The following SCAPER variants were observed in gnomAD, a reference collection of about 807,000 sequenced individuals.
The protein encoded by SCAPER is S-phase cyclin A associated protein in the ER, also known as S phase cyclin A-associated protein in the endoplasmic reticulum.
Under a neutral mutation model 182.2 loss-of-function variants are expected in SCAPER, and 98 were observed. That is an observed-to-expected ratio of 0.54 (90% CI 0.46 to 0.64). The LOEUF (loss-of-function observed/expected upper bound fraction) is 0.64, where lower values mean the gene tolerates loss of function less well. Among genes scored for constraint, SCAPER ranks in the 30% least tolerant of loss-of-function variants. SCAPER has a pLI of 0.00. For synonymous variants in SCAPER, 605 were observed against 564.6 expected, an observed-to-expected ratio of 1.07 and a Z score of -1.01; for missense variants, 1,432 against 1,690.0, an observed-to-expected ratio of 0.85 and a Z score of 2.68.
At chr15:76,897,591 C>CA (rs1395334129) in intron 1 of SCAPER, among the ~76,000 whole-genome samples, 1 of 152,044 alleles carries the variant, frequency 6.6e-6, no homozygotes, top group Non-Finnish European at 1.5e-5. Context: ...CCTGAAGTCC[C>CA]AGGTACTCAG....
At chr15:76,883,967 AC>A in intron 1 of SCAPER, 91 bp from the exon 2 acceptor site, 1 of 627,150 alleles carries the variant, frequency 1.6e-6, no homozygotes, top group Non-Finnish European at 2.6e-6. Flanking sequence ...CCCCACACTT[AC>A]ATTAAACAAC....
At chr15:76,797,242 A>G (rs1357958698) in intron 7 of SCAPER, 2 of 152,222 alleles carry the variant, frequency 1.3e-5, no homozygotes, top group African/African-American at 4.8e-5. Flanking sequence ...TAAACATCAG[A>G]TGTTAACATT....
At chr15:76,512,863 CA>C (rs764618813) in intron 23 of SCAPER, among the ~76,000 whole-genome samples, 2 of 55,624 alleles carry the variant, frequency 3.6e-5, no homozygotes, top group Non-Finnish European at 5.1e-5. Flanking sequence ...GCAGCTTTTC[CA>C]GAAAAAAAAA....
At chr15:76,674,534 C>T (rs752289116) in intron 20 of SCAPER, among the ~76,000 whole-genome samples, 22 of 152,248 alleles carry the variant, frequency 1.4e-4, no homozygotes, top group Middle Eastern at 6.8e-3. Context: ...AATGCATACT[C>T]GGTGTTTTAA....
At chr15:76,411,448 TC>T (rs1260489989) in intron 26 of SCAPER, among the ~76,000 whole-genome samples, 1 of 152,060 alleles carries the variant, frequency 6.6e-6, no homozygotes, top group Non-Finnish European at 1.5e-5. Flanking sequence ...AAATCCAAAA[TC>T]CAAAACACTC....
chr15:76,380,508 C>A (rs2042878430), intron 28 of SCAPER: 1 of 152,112 alleles, frequency 6.6e-6, no homozygotes, highest in Non-Finnish European at 1.5e-5. Flanking sequence ...GTATTCTTCT[C>A]ATCTCAGAAT....
At position 76,654,071 on chromosome 15, in the gene SCAPER, T is replaced by C. The variant is rs566383690; in HGVS notation, c.2645+11582A>G. ...TGAACAGACACTTCTCAAAAGAAGA[T>C]ATATAAGTGGCCAAGAAACATGAAA... On this transcript the variant is annotated intron_variant, in intron 21 of 31. Transcript: ENST00000563290. 5.3e-5 allele frequency among the ~76,000 whole-genome samples: 8 copies of C among 152,244 alleles called. No homozygotes were observed. The South Asian group carries it at 1.5e-3, about 28-fold the overall frequency.
chr15:76,450,468 C>A (rs912370993), intron 25 of SCAPER, among the ~76,000 whole-genome samples: 3 of 152,088 alleles, frequency 2.0e-5, no homozygotes, highest in African/African-American at 7.2e-5. Context: ...CCTTCTAAAT[C>A]TAGTACAATG....
chr15:76,641,384 C>A (rs2054090516), intron 21 of SCAPER, among the ~76,000 whole-genome samples: 1 of 152,184 alleles, frequency 6.6e-6, no homozygotes, highest in African/African-American at 2.4e-5. Flanking sequence ...AAATCCCTCA[C>A]TAACCTACTC....
intron 25 of SCAPER, among the ~76,000 whole-genome samples, chr15:76,439,551 A>C (rs1048090317): frequency 5.9e-5 from 9 of 152,222 alleles, no homozygotes; most frequent in African/African-American, 1.9e-4. Flanking sequence ...ATATGCACTT[A>C]TGTGAGTGAG....
intron 25 of SCAPER, among the ~76,000 whole-genome samples, chr15:76,470,166 T>C (rs2050027420): frequency 1.3e-5 from 2 of 152,168 alleles, no homozygotes; most frequent in African/African-American, 4.8e-5. Context: ...CACACATACA[T>C]ACAATGACGT....
At position 76,793,464 on chromosome 15, in the gene SCAPER, A is replaced by G. The variant is rs1450085021; in HGVS notation, c.772+1816T>C. 8 of 534,860 alleles carry G rather than the reference A, an allele frequency of 1.5e-5. No individual in the cohort carries two copies. In the South Asian group the frequency reaches 2.4e-4, roughly 16 times the overall value. The allele number at this position is 534,860 out of a possible 1,614,324, so 33.1% of individuals were successfully genotyped here. ...CTCCTCAGCCTTCAGGGAGGGAGAA[A>G]GGAAAGGAGCTGAAGGTTAGGTTGC... On this transcript the variant is annotated intron_variant, in intron 8 of 31. Coordinates refer to ENST00000563290, the MANE Select transcript of SCAPER (RefSeq NM_020843.4).
chr15:76,348,899 TC>T, intron 31 of SCAPER, 163 bp from the exon 32 acceptor site: 1 of 520,020 alleles, frequency 1.9e-6, no homozygotes, highest in South Asian at 3.3e-5. Context: ...TCTATATGTA[TC>T]AATCTATCTG....
chr15:76,362,067 G>T (rs901261719), intron 29 of SCAPER, among the ~76,000 whole-genome samples: 2 of 151,886 alleles, frequency 1.3e-5, no homozygotes, highest in African/African-American at 4.8e-5. Context: ...CCACCTCCCG[G>T]GTTCAAGCGA....
intron 8 of SCAPER, among the ~76,000 whole-genome samples, chr15:76,778,119 T>C (rs781500796): frequency 2.0e-5 from 3 of 152,188 alleles, no homozygotes; most frequent in Admixed American, 6.5e-5. Context: ...CATCATAAAG[T>C]TGAAAAGTCA....
intron 22 of SCAPER, among the ~76,000 whole-genome samples, chr15:76,582,444 T>A (rs771164525): frequency 3.2e-4 from 49 of 152,086 alleles, no homozygotes; most frequent in Admixed American, 3.9e-4. Flanking sequence ...TGTAAGAAAC[T>A]GAAGAAGACA....
intron 21 of SCAPER, among the ~76,000 whole-genome samples, chr15:76,650,141 A>T (rs1206956944): frequency 3.3e-5 from 5 of 152,138 alleles, no homozygotes; most frequent in Non-Finnish European, 7.4e-5. Context: ...GCATACTGTG[A>T]TGGTTAAAAG....
chr15:76,784,399 T>C (rs2064413807), intron 8 of SCAPER, among the ~76,000 whole-genome samples: 1 of 152,120 alleles, frequency 6.6e-6, no homozygotes, highest in African/African-American at 2.4e-5. Flanking sequence ...CACAAACAAA[T>C]GGAAGAATAT....
At chr15:76,532,108 T>C (rs1490652901) in intron 23 of SCAPER, among the ~76,000 whole-genome samples, 3 of 152,134 alleles carry the variant, frequency 2.0e-5, no homozygotes, top group Non-Finnish European at 2.9e-5. Context: ...TACTGGCCCA[T>C]GGAAGAACCC....
Sources: gnomAD v4.1 joint callset for allele counts (sites outside exome capture counted in the v4.1 genomes callset) on GRCh38, gnomAD v4.1.1 for gene constraint, MANE v1.5 for transcripts, NCBI Gene and HGNC (gene_info 2026-07-23, HGNC 2026-07-21) for gene names.